CNIH3: variants seen among roughly 807,000 people sequenced by gnomAD.
CNIH3 encodes protein cornichon homolog 3.
Under a neutral mutation model 24.1 loss-of-function variants are expected in CNIH3, and 14 were observed. The observed-to-expected ratio is 0.58, with a 90% CI of 0.38 to 0.91. The LOEUF (loss-of-function observed/expected upper bound fraction) is 0.91. Among genes scored for constraint, CNIH3 ranks in the 40% least tolerant of loss-of-function variants. The pLI, the probability that CNIH3 is intolerant of heterozygous loss-of-function variation, is 0.00. For missense variants in CNIH3, 178 were observed against 196.8 expected, an observed-to-expected ratio of 0.90 and a Z score of 0.57; for synonymous variants, 68 against 73.8, an observed-to-expected ratio of 0.92 and a Z score of 0.40.
intron 3 of CNIH3, among the ~76,000 whole-genome samples, chr1:224,562,547 G>T (rs1336847490): frequency 1.3e-5 from 2 of 152,096 alleles, no homozygotes. Flanking sequence ...TTGGATATTT[G>T]TCCCCCCAAA....
intron 1 of CNIH3, among the ~76,000 whole-genome samples, chr1:224,645,788 T>C (rs12065840): frequency 0.23 from 35,102 of 152,100 alleles, 4,494 homozygotes; most frequent in East Asian, 0.37. Flanking sequence ...CCCCATAACA[T>C]GGAGGAATTT....
intron 1 of CNIH3, among the ~76,000 whole-genome samples, chr1:224,477,951 A>C (rs1254911155): frequency 6.6e-6 from 1 of 152,090 alleles, no homozygotes; most frequent in Non-Finnish European, 1.5e-5. Context: ...TTTAGAGTAA[A>C]AGTTTTTCCC....
In CNIH3 at chr1:224,508,374, G is replaced by A. The variant is rs201691187; in HGVS notation, n.204-7367G>A. 2.6e-5 allele frequency among the ~76,000 whole-genome samples: 4 copies of A among 152,236 alleles called. No homozygotes were observed. The East Asian group carries it at 5.8e-4, about 22-fold the overall frequency. On this transcript the variant is annotated intron_variant and non_coding_transcript_variant, in intron 1 of 5. Transcript: ENST00000471578. Reference sequence around the variant, plus strand: ...TTTCCCAGTAAAGACAGAAATATTCGGACTAGCACAGTTGGATTTTATACT... The same window carrying A: ...TTTCCCAGTAAAGACAGAAATATTCAGACTAGCACAGTTGGATTTTATACT...
chr1:224,475,052 AAAG>A (rs1676524307), intron 1 of CNIH3, among the ~76,000 whole-genome samples: 3 of 144,016 alleles, frequency 2.1e-5, no homozygotes, highest in Non-Finnish European at 3.0e-5. Context: ...CTCAAAAAAA[AAAG>A]AAAAAAAAAA....
intron 3 of CNIH3, among the ~76,000 whole-genome samples, chr1:224,547,750 C>T (rs974341669): frequency 6.6e-6 from 1 of 151,760 alleles, no homozygotes; most frequent in Admixed American, 6.6e-5. Flanking sequence ...TGGGTGTATA[C>T]CTCGTGATAT....
intron 4 of CNIH3, among the ~76,000 whole-genome samples, chr1:224,732,325 C>T (rs10915706): frequency 0.74 from 111,850 of 152,014 alleles, 41,275 homozygotes; most frequent in Non-Finnish European, 0.74. Context: ...CCAGGGCCAG[C>T]AGGGTAGAAG....
intron 3 of CNIH3, among the ~76,000 whole-genome samples, chr1:224,595,831 C>G (rs1681954145): frequency 6.6e-6 from 1 of 152,202 alleles, no homozygotes; most frequent in Non-Finnish European, 1.5e-5. Context: ...ACCACATTCC[C>G]TTAAGCCAAA....
Position 224,684,186 on chromosome 1 carries a change from C to T in CNIH3, c.151-610C>T, listed in dbSNP as rs545503199. ...GCGGGCATCATCACCTGCCCAGCCA[C>T]GGGCCATCATCTCATCTTCCCTTGG... On this transcript the variant is annotated intron_variant, in intron 2 of 5. Transcript: ENST00000272133. The surrounding 1 kb of genome is among the most constrained non-coding windows in gnomAD (Gnocchi z 4.2). Among the ~76,000 whole-genome samples, 8 of 152,236 alleles carry T rather than the reference C, an allele frequency of 5.3e-5. No homozygotes were observed. Among genetic ancestry groups the T allele is most frequent in the East Asian group, 1.9e-4 (1 of 5,194 alleles).
chr1:224,714,727 G>C (rs1688335299), intron 3 of CNIH3, among the ~76,000 whole-genome samples: 2 of 152,224 alleles, frequency 1.3e-5, no homozygotes, highest in South Asian at 2.1e-4. Context: ...CAGACCTCAG[G>C]GTCACTCCGT....
chr1:224,498,117 C>T (rs879450576), intron 1 of CNIH3, among the ~76,000 whole-genome samples: 4 of 152,218 alleles, frequency 2.6e-5, no homozygotes, highest in Non-Finnish European at 5.9e-5. Flanking sequence ...CCTGAAACCA[C>T]CCTGATTCAG....
chr1:224,459,213 A>T (rs1675804786), intron 1 of CNIH3: 2 of 978,452 alleles, frequency 2.0e-6, no homozygotes, highest in African/African-American at 3.5e-5. Context: ...TCTTCAGCAG[A>T]CATCATGTGA....
At chr1:224,545,810 G>T (rs558616939) in intron 2 of CNIH3, among the ~76,000 whole-genome samples, 2 of 152,278 alleles carry the variant, frequency 1.3e-5, no homozygotes, top group South Asian at 4.2e-4. Context: ...AAATTACTAT[G>T]TGGCTTAGTG....
intron 1 of CNIH3, among the ~76,000 whole-genome samples, chr1:224,493,380 T>TTG (rs902102304): frequency 1.3e-5 from 2 of 151,958 alleles, no homozygotes; most frequent in South Asian, 2.1e-4. Context: ...CGCTGAACGT[T>TTG]TGTGTGTGTG....
intron 3 of CNIH3, among the ~76,000 whole-genome samples, chr1:224,594,692 G>A (rs961555616): frequency 6.6e-6 from 1 of 152,148 alleles, no homozygotes; most frequent in Non-Finnish European, 1.5e-5. Context: ...CATTATAAAT[G>A]GCAGGCTTTG....
intron 1 of CNIH3, among the ~76,000 whole-genome samples, chr1:224,443,691 A>ATC (rs1491208729): frequency 3.0e-3 from 301 of 98,698 alleles, no homozygotes; most frequent in African/African-American, 0.018. Context: ...AGATATCTAT[A>ATC]GATATAGATA....
At chr1:224,445,178 A>G (rs1177705971) in intron 1 of CNIH3, among the ~76,000 whole-genome samples, 3 of 152,154 alleles carry the variant, frequency 2.0e-5, no homozygotes, top group Non-Finnish European at 4.4e-5. Flanking sequence ...GTGTATGTAT[A>G]GTCCTACATA....
At chr1:224,566,536 A>T (rs1394766011) in intron 4 of CNIH3, among the ~76,000 whole-genome samples, 7 of 151,948 alleles carry the variant, frequency 4.6e-5, no homozygotes, top group Non-Finnish European at 7.4e-5. Flanking sequence ...CCATCCCCTG[A>T]CAGACCCTGG....
intron 5 of CNIH3, among the ~76,000 whole-genome samples, chr1:224,584,534 T>C (rs904411474): frequency 6.6e-6 from 1 of 152,238 alleles, no homozygotes; most frequent in Non-Finnish European, 1.5e-5. Flanking sequence ...AAATCCTTCC[T>C]TTTTGGGAAG....
chr1:224,495,111 A>T (rs941939897), intron 1 of CNIH3, among the ~76,000 whole-genome samples: 3 of 152,196 alleles, frequency 2.0e-5, no homozygotes, highest in Non-Finnish European at 2.9e-5. Flanking sequence ...TAGTGAGAGT[A>T]GTTCCCGTGG....
Sources: gnomAD v4.1 joint callset for allele counts (sites outside exome capture counted in the v4.1 genomes callset) on GRCh38, gnomAD v4.1.1 for gene constraint, Gnocchi (gnomAD v3.1) non-coding constraint, MANE v1.5 for transcripts, NCBI Gene and HGNC (gene_info 2026-07-23, HGNC 2026-07-21) for gene names.